The following TEAD1 variants were observed in gnomAD, a reference collection of about 807,000 sequenced individuals.
The protein encoded by TEAD1 is transcriptional enhancer factor TEF-1.
TEAD1 carries 9 observed loss-of-function variants against 54.9 expected under a neutral mutation model. That is an observed-to-expected ratio of 0.16 (90% CI 0.10 to 0.29). The LOEUF (loss-of-function observed/expected upper bound fraction) is 0.29. Among genes scored for constraint, TEAD1 ranks in the 10% least tolerant of loss-of-function variants. The pLI is 1.00. For missense variants in TEAD1, 387 were observed against 535.9 expected (o/e 0.72, Z 2.74); for synonymous variants, 200 against 187.8 (o/e 1.07, Z -0.53).
At chr11:12,801,034 T>C (rs1399308930) in intron 3 of TEAD1, among the ~76,000 whole-genome samples, 1 of 152,178 alleles carries the variant, frequency 6.6e-6, no homozygotes, top group East Asian at 1.9e-4. Flanking sequence ...GAAGGAGAGA[T>C]TGAAACGAGA....
In TEAD1 at chr11:12,937,290, C is replaced by A; in HGVS notation, c.*68C>A. ...ACATATGTGCACACACACACTCTCT[C>A]TCCATTATCGAACGACTGACTGTAA... On this transcript the variant is annotated 3_prime_UTR_variant, in exon 13 of 13. Coordinates refer to ENST00000527636, the MANE Select transcript of TEAD1 (RefSeq NM_021961.6). 7.8e-7 allele frequency: 1 copy of A among 1,288,196 alleles called. No individual in the cohort carries two copies. The highest frequency in any genetic ancestry group is 1.1e-6 in the Non-Finnish European group (1 of 898,352). The allele number at this position is 1,288,196 out of a possible 1,614,324, so 79.8% of individuals were successfully genotyped here.
intron 2 of TEAD1, among the ~76,000 whole-genome samples, chr11:12,684,141 CAGAT>C (rs535702582): frequency 1.9e-3 from 282 of 152,290 alleles, no homozygotes; most frequent in African/African-American, 6.5e-3. Context: ...CTCAGGCAAA[CAGAT>C]AGAAATCTAG....
chr11:12,783,133 T>TGTGTGTGTGTGTGTGTGCGC (rs1198828193), intron 3 of TEAD1, among the ~76,000 whole-genome samples: 57 of 145,570 alleles, frequency 3.9e-4, no homozygotes, highest in African/African-American at 1.5e-3. Context: ...TGTGTGTGTG[T>TGTGTGTGTGTGTGTGTGCGC]GCGCGCACTT....
chr11:12,806,666 C>T (rs1590169964), intron 3 of TEAD1, among the ~76,000 whole-genome samples: 2 of 152,206 alleles, frequency 1.3e-5, no homozygotes, highest in Non-Finnish European at 2.9e-5. Context: ...GCCTTTCATA[C>T]TTCAGAGCTT....
At chr11:12,712,114 T>C (rs1010537133) in intron 2 of TEAD1, among the ~76,000 whole-genome samples, 17 of 152,320 alleles carry the variant, frequency 1.1e-4, no homozygotes, top group African/African-American at 3.9e-4. Flanking sequence ...CCCAACCTTA[T>C]GGGGCAGTCT....
chr11:12,887,965 G>A (rs1948124276), intron 9 of TEAD1, among the ~76,000 whole-genome samples: 1 of 152,210 alleles, frequency 6.6e-6, no homozygotes, highest in Non-Finnish European at 1.5e-5. Context: ...TAACGGCTTA[G>A]GCTCATTAGA....
At chr11:12,814,533 C>G (rs1171585649) in intron 3 of TEAD1, among the ~76,000 whole-genome samples, 1 of 152,178 alleles carries the variant, frequency 6.6e-6, no homozygotes, top group Non-Finnish European at 1.5e-5. Context: ...GGTCTTGTCC[C>G]TGTCCTGGTT....
At chr11:12,785,776 A>C (rs1308329556) in intron 3 of TEAD1, among the ~76,000 whole-genome samples, 1 of 152,200 alleles carries the variant, frequency 6.6e-6, no homozygotes, top group Non-Finnish European at 1.5e-5. Context: ...GGAGATGGAA[A>C]ACCTGGGAAT....
intron 5 of TEAD1, among the ~76,000 whole-genome samples, chr11:12,873,423 C>T (rs1375536277): frequency 6.6e-6 from 1 of 152,146 alleles, no homozygotes; most frequent in East Asian, 1.9e-4. Flanking sequence ...AGCCCCACAT[C>T]AGAGTTAAAG....
At chr11:12,931,673 A>G (rs1254884853) in intron 12 of TEAD1, among the ~76,000 whole-genome samples, 2 of 152,166 alleles carry the variant, frequency 1.3e-5, no homozygotes, top group African/African-American at 4.8e-5. Flanking sequence ...TATGCCCTTC[A>G]TGGGCAATTT....
At chr11:12,704,726 A>G (rs150395871) in intron 2 of TEAD1, among the ~76,000 whole-genome samples, 58 of 152,356 alleles carry the variant, frequency 3.8e-4, no homozygotes, top group African/African-American at 1.3e-3. Flanking sequence ...CCTGCTTGGC[A>G]TGCAGAAGCT....
chr11:12,875,397 T>C lies in TEAD1; in HGVS notation c.331-4311T>C, dbSNP rs551405890. Among the ~76,000 whole-genome samples the C allele has an allele frequency of 3.3e-5, 5 of 152,290 alleles. No individual in the cohort carries two copies. The South Asian group carries it at 6.2e-4, about 19-fold the overall frequency. On this transcript the variant is annotated intron_variant, in intron 5 of 12. Coordinates refer to ENST00000527636, the MANE Select transcript of TEAD1 (RefSeq NM_021961.6). ...TGGGCTGCAAATGACAATTTAGAGGTCCTTCCATTGAAATCTCTTAGCTTG... is the reference window on the plus strand; with the variant it reads ...TGGGCTGCAAATGACAATTTAGAGGCCCTTCCATTGAAATCTCTTAGCTTG...
intron 3 of TEAD1, among the ~76,000 whole-genome samples, chr11:12,770,495 ATAACT>A (rs1945292295): frequency 6.6e-6 from 1 of 152,208 alleles, no homozygotes; most frequent in Non-Finnish European, 1.5e-5. Context: ...CAGACATAAA[ATAACT>A]TAAAAAGCTG....
chr11:12,682,812 T>C (rs1008397732), intron 2 of TEAD1, among the ~76,000 whole-genome samples: 12 of 152,208 alleles, frequency 7.9e-5, no homozygotes, highest in African/African-American at 2.9e-4. Context: ...AAAACAGGCA[T>C]GTACAGAGGT....
intron 3 of TEAD1, among the ~76,000 whole-genome samples, chr11:12,766,198 G>A (rs1945204278): frequency 6.6e-6 from 1 of 152,196 alleles, no homozygotes; most frequent in Admixed American, 6.5e-5. Flanking sequence ...CAGGAATAAG[G>A]TTTTGGGGCT....
intron 5 of TEAD1, among the ~76,000 whole-genome samples, chr11:12,874,136 A>G (rs1373756846): frequency 1.3e-5 from 2 of 152,228 alleles, no homozygotes. Flanking sequence ...TATATTGATT[A>G]TGCTGTTCAT....
intron 4 of TEAD1, 130 bp downstream of exon 4, chr11:12,862,444 G>A (rs1340549156): frequency 1.3e-6 from 1 of 769,322 alleles, no homozygotes; most frequent in East Asian, 2.7e-5. Context: ...CGTCAGTGTT[G>A]GAGGTATTTT....
At chr11:12,792,749 C>T (rs1009839248) in intron 3 of TEAD1, among the ~76,000 whole-genome samples, 6 of 152,152 alleles carry the variant, frequency 3.9e-5, no homozygotes, top group Non-Finnish European at 1.5e-5. Context: ...TGGTTATGGG[C>T]CAGGTCCCAA....
chr11:12,821,664 A>G (rs191610001), intron 3 of TEAD1, among the ~76,000 whole-genome samples: 21 of 152,222 alleles, frequency 1.4e-4, no homozygotes, highest in Admixed American at 1.1e-3. Context: ...AAGATTATGG[A>G]AAAAAATGAA....
Sources: allele counts gnomAD v4.1 joint callset (sites outside exome capture counted in the v4.1 genomes callset), GRCh38; gene constraint gnomAD v4.1.1; transcripts MANE v1.5; gene names NCBI Gene and HGNC (gene_info 2026-07-23, HGNC 2026-07-21).